Variants in SLC38A10 observed in about 807,000 individuals in gnomAD.
SLC38A10 encodes solute carrier family 38 member 10, also known as Sodium-coupled neutral amino acid transporter 10.
In SLC38A10, 53 loss-of-function variants were observed where a neutral mutation model predicts 81.0. The observed-to-expected ratio is 0.65, with a 90% CI of 0.53 to 0.82. SLC38A10 has a LOEUF of 0.82. Ranked by LOEUF, SLC38A10 falls within the 40% of genes least tolerant of loss-of-function variation. The pLI is 0.00. For missense variants in SLC38A10, 1,471 were observed against 1,545.0 expected (o/e 0.95, Z 0.80); for synonymous variants, 665 against 655.3 (o/e 1.01, Z -0.23).
Position 81,289,887 on chromosome 17 carries a change from G to A in SLC38A10, c.100-79C>T. 1.7e-6 allele frequency: 2 copies of A among 1,211,622 alleles called. No homozygotes were observed. Among genetic ancestry groups the A allele is most frequent in the Non-Finnish European group, 1.1e-6 (1 of 876,514 alleles). The allele number at this position is 1,211,622 out of a possible 1,614,324, so 75.1% of individuals were successfully genotyped here. A position where few individuals can be genotyped will look rare whatever the true frequency, so the allele number is the denominator to read the frequency against. On this transcript the variant is annotated intron_variant, in intron 1 of 15. Coordinates refer to ENST00000374759, the MANE Select transcript of SLC38A10 (RefSeq NM_001037984.3). This position sits in a 1 kb window ranked among gnomAD's most constrained non-coding sequence, Gnocchi z 5.9. The stretch of plus-strand genomic sequence containing the variant: ...CCCTCACCCCACACACGCGGCTCAT[G>A]AGGACCCTCTTCACCCCCAGGCCCC...
In SLC38A10 at chr17:81,245,830, C is replaced by T. The variant is rs1351795923; in HGVS notation, c.3086G>A (p.Gly1029Asp). 6.2e-7 allele frequency: 1 copy of T among 1,610,220 alleles called. No individual in the cohort carries two copies. The highest frequency in any genetic ancestry group is 1.1e-5 in the South Asian group (1 of 90,976). The change falls in exon 16 of 16, where the codon GGC (glycine) becomes GAC (aspartate). Residue 1029 changes from glycine (G) to aspartate (D), a missense_variant. This residue lies in a region of SLC38A10 where 751 missense variants were observed against 717.4 expected (regional missense o/e 1.05). Coordinates refer to ENST00000374759, the MANE Select transcript of SLC38A10 (RefSeq NM_001037984.3). The stretch of plus-strand genomic sequence containing the variant: ...GGGCTTGGCATTGTCCGGCCTCTGG[C>T]CCCCCGGGACAGCTCGTTTGAGCCC... ...ELGLKRAVPG[G>D]QRPDNAKPNR... is the part of the protein sequence containing the mutation.
At chr17:81,256,001 G>T (rs1317509117) in intron 11 of SLC38A10, among the ~76,000 whole-genome samples, 1 of 152,158 alleles carries the variant, frequency 6.6e-6, no homozygotes, top group African/African-American at 2.4e-5. Flanking sequence ...ATCATCTCCA[G>T]TCACAAGAAA....
At chr17:81,252,012 C>G in intron 13 of SLC38A10, 183 bp downstream of exon 13, 1 of 812,710 alleles carries the variant, frequency 1.2e-6, no homozygotes, top group Non-Finnish European at 1.9e-6. Flanking sequence ...ATTACAGTAG[C>G]TGTCAGCCAC....
At chr17:81,266,030 A>G (rs1390765025) in intron 10 of SLC38A10, among the ~76,000 whole-genome samples, 2 of 152,180 alleles carry the variant, frequency 1.3e-5, no homozygotes, top group African/African-American at 4.8e-5. Context: ...GTGTCTACAC[A>G]TGTCTACACA....
chr17:81,284,738 G>A, intron 3 of SLC38A10, 112 bp downstream of exon 3: 1 of 842,428 alleles, frequency 1.2e-6, no homozygotes, highest in Non-Finnish European at 1.7e-6. Context: ...CGACTCTTCA[G>A]AAACCTAAGT....
At chr17:81,252,750 A>G in intron 12 of SLC38A10, 67 bp from the exon 13 acceptor site, 3 of 1,517,006 alleles carry the variant, frequency 2.0e-6, no homozygotes, top group Non-Finnish European at 1.7e-6. Context: ...GGGAATTAGA[A>G]CTGGGTTCTT....
rs1314598560 is a variant in SLC38A10 at position 81,249,326 on chromosome 17, GA to G, written c.2065+2166del. ...AAGAGGAGGAAGGAGGGAAGAGGAG[GA>G]AGGAGGGAAGAGGAGGAAGGAGGGA... On this transcript the variant is annotated intron_variant, in intron 14 of 15. Coordinates refer to ENST00000374759, the MANE Select transcript of SLC38A10 (RefSeq NM_001037984.3). Among the ~76,000 whole-genome samples the G allele has an allele frequency of 7.0e-3, 217 of 30,876 alleles. 52 individuals are homozygous for G. Among genetic ancestry groups the G allele is most frequent in the African/African-American group, 0.013 (62 of 4,756 alleles). The allele number at this position is 30,876 out of a possible 152,430, so 20.3% of individuals were successfully genotyped here. A position where few individuals can be genotyped will look rare whatever the true frequency, so the allele number is the denominator to read the frequency against.
At chr17:81,255,639 C>T (rs2062964982) in intron 11 of SLC38A10, among the ~76,000 whole-genome samples, 1 of 152,202 alleles carries the variant, frequency 6.6e-6, no homozygotes, top group African/African-American at 2.4e-5. Context: ...CCACGCACGC[C>T]CCCAGGAACA....
At chr17:81,274,915 T>A (rs971677873) in intron 8 of SLC38A10, among the ~76,000 whole-genome samples, 26 of 152,186 alleles carry the variant, frequency 1.7e-4, no homozygotes, top group Admixed American at 4.6e-4. Context: ...TTATTTTTCT[T>A]TCTCTTTTAG....
Position 81,246,692 on chromosome 17 carries a change from A to C in SLC38A10, c.2243-19T>G, listed in dbSNP as rs753672035. The C allele has an allele frequency of 6.7e-7, 1 of 1,501,490 alleles. No individual in the cohort carries two copies. Among genetic ancestry groups the C allele is most frequent in the Admixed American group, 2.4e-5 (1 of 42,540 alleles). 93.0% of individuals were successfully genotyped at this position (1,501,490 alleles called of 1,614,324 possible). ...ACCTCCACTGCAAATGAAGTCGGTC[A>C]TCAATTTAGCCACAGCACTGTACAC... On this transcript the variant is annotated intron_variant, in intron 15 of 15. Coordinates refer to ENST00000374759, the MANE Select transcript of SLC38A10 (RefSeq NM_001037984.3).
intron 14 of SLC38A10, among the ~76,000 whole-genome samples, chr17:81,249,473 G>GAGGAGGGAGA (rs2062888848): frequency 2.8e-5 from 1 of 35,990 alleles, no homozygotes; most frequent in Non-Finnish European, 8.1e-5. Flanking sequence ...GAGGAGGGAA[G>GAGGAGGGAGA]AGGAGGGAGG....
intron 14 of SLC38A10, chr17:81,247,677 A>C (rs867324172): frequency 1.3e-5 from 2 of 151,320 alleles, no homozygotes; most frequent in Admixed American, 6.6e-5. Flanking sequence ...AACAAAAAAA[A>C]CAAAAAAATA....
In SLC38A10 at chr17:81,275,945, C is replaced by G. The variant is rs768033223; in HGVS notation, c.912+24G>C. The G allele has an allele frequency of 6.9e-6, 11 of 1,605,162 alleles. No individual in the cohort carries two copies. The Admixed American group carries it at 1.8e-4, about 27-fold the overall frequency. ...GAGCCTGACCTGTGCTATTACGATC[C>G]GGAGAGTGCCCCGAGGGTCTTACCT... On this transcript the variant is annotated intron_variant, in intron 8 of 15. Coordinates refer to ENST00000374759, the MANE Select transcript of SLC38A10 (RefSeq NM_001037984.3).
At chr17:81,247,216 G>A (rs150919822) in intron 14 of SLC38A10, 155 bp from the exon 15 acceptor site, 11 of 771,648 alleles carry the variant, frequency 1.4e-5, no homozygotes, top group Admixed American at 3.1e-5. Flanking sequence ...GACTGTGACC[G>A]TGAAGCCCGG....
At position 81,288,226 on chromosome 17, in the gene SLC38A10, A is replaced by T. The variant is rs539998609; in HGVS notation, c.217+1465T>A. Among the ~76,000 whole-genome samples the T allele has an allele frequency of 3.3e-5, 5 of 152,322 alleles. No individual in the cohort carries two copies. The highest frequency in any genetic ancestry group is 1.2e-4 in the African/African-American group (5 of 41,568). ...CTGGGAGGCCAGGACCCACGTGTGGACCGTGCAGGTGTTTTTATTTTGTTT... is the reference window on the plus strand; with the variant it reads ...CTGGGAGGCCAGGACCCACGTGTGGTCCGTGCAGGTGTTTTTATTTTGTTT... On this transcript the variant is annotated intron_variant, in intron 2 of 15. Coordinates refer to ENST00000374759, the MANE Select transcript of SLC38A10 (RefSeq NM_001037984.3). This position sits in a 1 kb window ranked among gnomAD's most constrained non-coding sequence, Gnocchi z 5.4.
Position 81,245,154 on chromosome 17 carries a change from G to A in SLC38A10, c.*402C>T, listed in dbSNP as rs993932761. 7 of 200,016 alleles carry A rather than the reference G, an allele frequency of 3.5e-5. No homozygotes were observed. The highest frequency in any genetic ancestry group is 1.3e-4 in the East Asian group (1 of 7,764). The allele number at this position is 200,016 out of a possible 1,614,324, so 12.4% of individuals were successfully genotyped here. On this transcript the variant is annotated 3_prime_UTR_variant, in exon 16 of 16. Coordinates refer to ENST00000374759, the MANE Select transcript of SLC38A10 (RefSeq NM_001037984.3). ...GTGTTGGGACCATGAGCAGCCATGCGCACCTCCACGCACGGCCGAGCTCAA... is the reference window on the plus strand; with the variant it reads ...GTGTTGGGACCATGAGCAGCCATGCACACCTCCACGCACGGCCGAGCTCAA...
chr17:81,294,166 G>A (rs1406438249), intron 1 of SLC38A10, among the ~76,000 whole-genome samples: 1 of 152,152 alleles, frequency 6.6e-6, no homozygotes, highest in Non-Finnish European at 1.5e-5. Flanking sequence ...AAGTATCTGG[G>A]ATTACAGGCA....
intron 3 of SLC38A10, among the ~76,000 whole-genome samples, 169 bp downstream of exon 3, chr17:81,284,681 T>C (rs2063247114): frequency 2.0e-5 from 3 of 152,162 alleles, no homozygotes; most frequent in Admixed American, 6.5e-5. Context: ...CATAAATTTT[T>C]CTTACAACAC....
rs756659149 is a variant in SLC38A10 at position 81,277,160 on chromosome 17, C to T, written c.627-27G>A. On this transcript the variant is annotated intron_variant, in intron 6 of 15. Coordinates refer to ENST00000374759, the MANE Select transcript of SLC38A10 (RefSeq NM_001037984.3). This position sits in a 1 kb window ranked among gnomAD's most constrained non-coding sequence, Gnocchi z 4.5. ...TGTATAGAAACAGGCCATTTCACAG[C>T]GGACCTGAGAGAGGCACGCCCTCCC... 43 of 1,608,332 alleles carry T rather than the reference C, an allele frequency of 2.7e-5. 1 individual carries two copies. The highest frequency in any genetic ancestry group is 1.7e-4 in the Middle Eastern group (1 of 5,860).
Sources: gnomAD v4.1 joint callset for allele counts (sites outside exome capture counted in the v4.1 genomes callset) on GRCh38, gnomAD v4.1.1 for gene constraint, gnomAD v4.1.1 regional missense constraint, Gnocchi (gnomAD v3.1) non-coding constraint, MANE v1.5 for transcripts, NCBI Gene and HGNC (gene_info 2026-07-23, HGNC 2026-07-21) for gene names.